The following BLM variants were observed in gnomAD, a reference collection of about 807,000 sequenced individuals.
BLM encodes recQ-like DNA helicase BLM.
A neutral mutation model predicts 135.3 loss-of-function variants in BLM; 95 were observed. The ratio of observed to expected loss-of-function variants is 0.70; its 90% CI spans 0.59 to 0.83. The LOEUF is 0.83. BLM is among the 40% of genes least tolerant of loss of function. The probability of loss-of-function intolerance (pLI) is 0.00; values close to 1 mark genes in which losing one functional copy is unlikely to be tolerated. For missense variants in BLM, 1,518 were observed against 1,663.9 expected (o/e 0.91, Z 1.53); for synonymous variants, 520 against 589.2 (o/e 0.88, Z 1.70).
At chr15:90,766,324 A>G (rs1309731845) in intron 9 of BLM, among the ~76,000 whole-genome samples, 2 of 152,230 alleles carry the variant, frequency 1.3e-5, no homozygotes, top group Non-Finnish European at 2.9e-5. Flanking sequence ...GGACTGGAAT[A>G]TCTTGTATAC....
chr15:90,808,566 G>C (rs1897332747), intron 19 of BLM, among the ~76,000 whole-genome samples: 1 of 152,232 alleles, frequency 6.6e-6, no homozygotes, highest in Admixed American at 6.5e-5. Context: ...TAAATGACAG[G>C]CTTGTCTAGC....
In BLM at chr15:90,762,947, A is replaced by C. The variant is rs200507632; in HGVS notation, c.1883-19A>C. The C allele has an allele frequency of 1.0e-4, 163 of 1,607,772 alleles. No individual in the cohort carries two copies. Among genetic ancestry groups the C allele is most frequent in the Non-Finnish European group, 2.3e-5 (27 of 1,175,686 alleles). On this transcript the variant is annotated intron_variant, in intron 7 of 21. Transcript: ENST00000355112. ...TGTATTCATGTACTGATTTTTCTTA[A>C]CGTTGATTATTTTCCTAGACAAGTC...
chr15:90,815,504 G>A lies in BLM; in HGVS notation c.*225G>A. On this transcript the variant is annotated 3_prime_UTR_variant, in exon 22 of 22. Transcript: ENST00000355112. The surrounding 1 kb of genome is among the most constrained non-coding windows in gnomAD (Gnocchi z 4.6). ...CAAGTGTTGTGGCCGTTGTTTCTCA[G>A]AACGTCTGAGGCAGCAGCTGAATCA... is the stretch of plus-strand genomic sequence containing the variant. 1.8e-6 allele frequency: 1 copy of A among 559,608 alleles called. No homozygotes were observed. The highest frequency in any genetic ancestry group is 3.2e-5 in the East Asian group (1 of 31,590). 34.7% of individuals were successfully genotyped at this position (559,608 alleles called of 1,614,324 possible).
At chr15:90,756,364 A>C (rs62025113) in intron 5 of BLM, among the ~76,000 whole-genome samples, 2 of 152,258 alleles carry the variant, frequency 1.3e-5, no homozygotes, top group African/African-American at 4.8e-5. Context: ...CGGCCCCCCA[A>C]AGTGCTGGGA....
rs552898012 is a variant in BLM at position 90,807,498 on chromosome 15, C to G, written c.3752-1639C>G. ...CACTGCAGCCTAGACCTCCTGGGCTCAAGTGATCCTCCTACCCCAGCTTCC... is the reference window on the plus strand; with the variant it reads ...CACTGCAGCCTAGACCTCCTGGGCTGAAGTGATCCTCCTACCCCAGCTTCC... On this transcript the variant is annotated intron_variant, in intron 19 of 21. Coordinates refer to ENST00000355112, the MANE Select transcript of BLM (RefSeq NM_000057.4). Among the ~76,000 whole-genome samples, 3 of 152,234 alleles carry G rather than the reference C, an allele frequency of 2.0e-5. No individual in the cohort carries two copies. In the South Asian group the frequency reaches 6.2e-4, roughly 32 times the overall value.
At chr15:90,782,077 G>A (rs894496854) in intron 12 of BLM, among the ~76,000 whole-genome samples, 1 of 152,062 alleles carries the variant, frequency 6.6e-6, no homozygotes, top group African/African-American at 2.4e-5. Context: ...AGCTGCTAGC[G>A]ACAATATTCA....
intron 1 of BLM, among the ~76,000 whole-genome samples, chr15:90,745,142 G>C (rs931082394): frequency 6.6e-6 from 1 of 152,150 alleles, no homozygotes; most frequent in Admixed American, 6.5e-5. Context: ...AACATCTTTT[G>C]AGAGGAAAGA....
intron 4 of BLM, 146 bp downstream of exon 4, chr15:90,752,092 C>G: frequency 1.3e-6 from 1 of 770,442 alleles, no homozygotes; most frequent in Non-Finnish European, 2.0e-6. Context: ...AAAAAAAAAC[C>G]CTGTTTATAC....
chr15:90,732,000 C>T (rs1895082532), intron 1 of BLM, among the ~76,000 whole-genome samples: 1 of 152,112 alleles, frequency 6.6e-6, no homozygotes, highest in Admixed American at 6.6e-5. Flanking sequence ...GCGTCTGACC[C>T]TCTTCTCTTT....
At chr15:90,792,774 G>A (rs1026753291) in intron 15 of BLM, among the ~76,000 whole-genome samples, 1 of 152,060 alleles carries the variant, frequency 6.6e-6, no homozygotes, top group African/African-American at 2.4e-5. Context: ...ATTTTACAGA[G>A]GAGGAAAATG....
At chr15:90,801,876 C>A (rs1285821943) in intron 17 of BLM, among the ~76,000 whole-genome samples, 8 of 152,030 alleles carry the variant, frequency 5.3e-5, no homozygotes, top group Non-Finnish European at 2.9e-5. Flanking sequence ...AGCAACCTGG[C>A]GAAACCCTGT....
chr15:90,719,854 G>C (rs1209094961), intron 1 of BLM, among the ~76,000 whole-genome samples: 2 of 152,092 alleles, frequency 1.3e-5, no homozygotes, highest in Admixed American at 1.3e-4. Flanking sequence ...AAGCCCCTAA[G>C]GGTCTCCACT....
chr15:90,799,188 A>C (rs1596264194), intron 17 of BLM, among the ~76,000 whole-genome samples: 1 of 151,974 alleles, frequency 6.6e-6, no homozygotes, highest in East Asian at 1.9e-4. Flanking sequence ...ATGGACAGTA[A>C]AGAGGAAGAC....
At chr15:90,733,225 A>G (rs1895114613) in intron 1 of BLM, among the ~76,000 whole-genome samples, 1 of 152,274 alleles carries the variant, frequency 6.6e-6, no homozygotes, top group Non-Finnish European at 1.5e-5. Flanking sequence ...GATAGTTTTT[A>G]TAACAGGATT....
Position 90,749,679 on chromosome 15 carries a change from G to T in BLM, c.411G>T (p.Lys137Asn). 1 of 1,614,148 alleles carries T rather than the reference G, an allele frequency of 6.2e-7. No homozygotes were observed. The highest frequency in any genetic ancestry group is 8.5e-7 in the Non-Finnish European group (1 of 1,180,022). Residue 137 changes from lysine (K) to asparagine (N), a missense_variant, in exon 3 of 22, where the codon AAG (lysine) becomes AAT (asparagine). Lys to Asn is a moderately conservative substitution (Grantham distance 94). Coordinates refer to ENST00000355112, the MANE Select transcript of BLM (RefSeq NM_000057.4). ...AGAAATCCCGGGATACTGCTCTCAA[G>T]AAATTAGAATTTAGTTCTTCACCAG... ...TVKKSRDTAL[K>N]KLEFSSSPDS... is the part of the protein sequence containing the mutation.
chr15:90,796,950 A>T (rs1310495909), intron 16 of BLM, among the ~76,000 whole-genome samples: 1 of 152,140 alleles, frequency 6.6e-6, no homozygotes, highest in Non-Finnish European at 1.5e-5. Flanking sequence ...TATGAGTTGG[A>T]AAGATAGGAT....
rs537384381 is a variant in BLM at position 90,780,692 on chromosome 15, C to CA, written c.2556-2130_2556-2129insA. ...AAGCAAGATTTGAATTTGCTGAGCA[C>CA]CAAGCGCTATGCTGTGTCCACATGA... On this transcript the variant is annotated intron_variant, in intron 12 of 21. Transcript: ENST00000355112. 5.1e-4 allele frequency among the ~76,000 whole-genome samples: 77 copies of CA among 152,348 alleles called. No individual in the cohort carries two copies. In the South Asian group the frequency reaches 9.9e-3, roughly 20 times the overall value.
chr15:90,814,918 C>T (rs751287666), intron 21 of BLM, among the ~76,000 whole-genome samples, 184 bp from the exon 22 acceptor site: 13 of 152,094 alleles, frequency 8.5e-5, no homozygotes, highest in South Asian at 2.1e-4. Context: ...TATGAAGGGC[C>T]GCGGTCCTTT....
At chr15:90,808,733 A>C (rs1453944330) in intron 19 of BLM, 3 of 315,732 alleles carry the variant, frequency 9.5e-6, no homozygotes, top group East Asian at 8.1e-5. Flanking sequence ...TGGAGTGCAG[A>C]GAAGAGGCTG....
Sources: gnomAD v4.1 joint callset for allele counts (sites outside exome capture counted in the v4.1 genomes callset) on GRCh38, gnomAD v4.1.1 for gene constraint, Gnocchi (gnomAD v3.1) non-coding constraint, MANE v1.5 for transcripts, NCBI Gene and HGNC (gene_info 2026-07-23, HGNC 2026-07-21) for gene names.